CSMD1: variants seen among roughly 807,000 people sequenced by gnomAD.
CSMD1 encodes CUB and Sushi multiple domains 1.
In CSMD1, 213 loss-of-function variants were observed where a neutral mutation model predicts 417.5. That is an observed-to-expected ratio of 0.51 (90% CI 0.46 to 0.57). CSMD1 has a LOEUF of 0.57. Among genes scored for constraint, CSMD1 ranks in the 20% least tolerant of loss-of-function variants. The probability of loss-of-function intolerance (pLI) is 0.00; values close to 1 mark genes in which losing one functional copy is unlikely to be tolerated. For synonymous variants in CSMD1, 2,862 were observed against 1,736.8 expected (o/e 1.65, Z -16.11); for missense variants, 6,923 against 4,529.7 (o/e 1.53, Z -15.17).
chr8:4,931,573 G>A (rs112142047), intron 1 of CSMD1, among the ~76,000 whole-genome samples: 47,407 of 151,974 alleles, frequency 0.31, 8,311 homozygotes, highest in Non-Finnish European at 0.41. Context: ...CTGATTTCAA[G>A]AAAAAAGTCT....
intron 2 of CSMD1, among the ~76,000 whole-genome samples, chr8:4,583,333 T>A (rs1199230602): frequency 6.6e-6 from 1 of 151,710 alleles, no homozygotes; most frequent in East Asian, 2.0e-4. Context: ...TGTGTCTTCC[T>A]CAGGGATTGT....
intron 1 of CSMD1, among the ~76,000 whole-genome samples, chr8:4,989,622 C>G (rs1811359503): frequency 6.6e-6 from 1 of 152,130 alleles, no homozygotes; most frequent in African/African-American, 2.4e-5. Flanking sequence ...ATACAAAAGG[C>G]CAAAGGGAAA....
chr8:4,557,911 T>A (rs562643703), intron 2 of CSMD1, among the ~76,000 whole-genome samples: 2 of 152,258 alleles, frequency 1.3e-5, no homozygotes, highest in Non-Finnish European at 2.9e-5. Context: ...CAGTTTTTAG[T>A]TTTTCATCAT....
At chr8:4,021,095 G>A (rs895239476) in intron 4 of CSMD1, among the ~76,000 whole-genome samples, 3 of 152,184 alleles carry the variant, frequency 2.0e-5, no homozygotes, top group African/African-American at 7.2e-5. Context: ...GAGGATAGAG[G>A]ATACAACAAG....
chr8:4,145,391 C>T (rs1804050410), intron 3 of CSMD1, among the ~76,000 whole-genome samples: 1 of 151,018 alleles, frequency 6.6e-6, no homozygotes. Context: ...ATACTATAGT[C>T]TTCTTTGGGC....
intron 30 of CSMD1, among the ~76,000 whole-genome samples, chr8:3,212,195 T>G (rs957443914): frequency 6.6e-6 from 1 of 152,198 alleles, no homozygotes; most frequent in Non-Finnish European, 1.5e-5. Context: ...GCTTCTTATT[T>G]TAGTTTTTAA....
At chr8:3,194,593 G>T (rs1431682458) in intron 33 of CSMD1, among the ~76,000 whole-genome samples, 1 of 151,516 alleles carries the variant, frequency 6.6e-6, no homozygotes, top group Admixed American at 6.6e-5. Context: ...AAGAAGCTGA[G>T]ACTACAGGCA....
At chr8:4,050,272 C>G (rs1490996249) in intron 3 of CSMD1, among the ~76,000 whole-genome samples, 2 of 152,096 alleles carry the variant, frequency 1.3e-5, no homozygotes, top group East Asian at 1.9e-4. Context: ...AGCCTATACT[C>G]TTTGGAAGGG....
chr8:3,724,615 G>C (rs1312178092), intron 6 of CSMD1, among the ~76,000 whole-genome samples: 8 of 152,064 alleles, frequency 5.3e-5, no homozygotes, highest in Admixed American at 5.2e-4. Context: ...ATTGGCCTCT[G>C]GGTCACTCCC....
chr8:4,046,592 G>C (rs185557875), intron 3 of CSMD1, among the ~76,000 whole-genome samples: 1 of 152,114 alleles, frequency 6.6e-6, no homozygotes, highest in African/African-American at 2.4e-5. Context: ...AATTTCTGAA[G>C]ACCTACTGTT....
chr8:4,576,530 G>A (rs4875362), intron 2 of CSMD1, among the ~76,000 whole-genome samples: 2 of 152,128 alleles, frequency 1.3e-5, no homozygotes, highest in African/African-American at 2.4e-5. Context: ...TACCAAGATA[G>A]CAAGGACTGT....
intron 5 of CSMD1, among the ~76,000 whole-genome samples, chr8:3,804,183 C>T (rs1482203218): frequency 6.6e-6 from 1 of 152,116 alleles, no homozygotes; most frequent in East Asian, 1.9e-4. Flanking sequence ...CTGCCCACCT[C>T]AGCCTCCAGA....
chr8:4,635,167 C>A (rs2130853313), intron 2 of CSMD1, among the ~76,000 whole-genome samples: 1 of 152,168 alleles, frequency 6.6e-6, no homozygotes, highest in African/African-American at 2.4e-5. Context: ...TATCAACCTC[C>A]CTTGCTTCCT....
intron 8 of CSMD1, among the ~76,000 whole-genome samples, chr8:3,595,991 C>A (rs972899298): frequency 1.3e-5 from 2 of 152,188 alleles, no homozygotes; most frequent in South Asian, 2.1e-4. Context: ...AGCCCCTTTG[C>A]CTCCTTCCTG....
intron 23 of CSMD1, among the ~76,000 whole-genome samples, chr8:3,338,654 G>T (rs1008828): frequency 1.3e-5 from 2 of 151,792 alleles, no homozygotes; most frequent in Non-Finnish European, 2.9e-5. Context: ...TTCATTTTCA[G>T]GGCTGGCCAG....
intron 3 of CSMD1, among the ~76,000 whole-genome samples, chr8:4,097,417 G>A (rs944247116): frequency 3.9e-5 from 6 of 152,160 alleles, no homozygotes; most frequent in African/African-American, 1.2e-4. Context: ...CATGAACGTT[G>A]TATACATATA....
chr8:4,861,916 A>G (rs1359127306), intron 1 of CSMD1, among the ~76,000 whole-genome samples: 1 of 152,146 alleles, frequency 6.6e-6, no homozygotes, highest in African/African-American at 2.4e-5. Flanking sequence ...TCCACTTATT[A>G]TACTTACATT....
chr8:3,230,380 C>T, intron 26 of CSMD1, 149 bp from the exon 27 acceptor site: 1 of 512,810 alleles, frequency 2.0e-6, no homozygotes, highest in Non-Finnish European at 3.3e-6. Flanking sequence ...AGTTTCTTTT[C>T]CCAGGGGTAC....
chr8:3,537,847 T>G (rs1353514768), intron 10 of CSMD1, among the ~76,000 whole-genome samples: 1 of 152,334 alleles, frequency 6.6e-6, no homozygotes, highest in East Asian at 1.9e-4. Flanking sequence ...CAATAAATAC[T>G]TCTAAATTAA....
Sources: allele counts gnomAD v4.1 joint callset (sites outside exome capture counted in the v4.1 genomes callset), GRCh38; gene constraint gnomAD v4.1.1; transcripts MANE v1.5; gene names NCBI Gene and HGNC (gene_info 2026-07-23, HGNC 2026-07-21).